Variants in PPP5C observed in about 807,000 individuals in gnomAD.
PPP5C encodes the protein serine/threonine-protein phosphatase 5.
A neutral mutation model predicts 66.7 loss-of-function variants in PPP5C; 21 were observed. That is an observed-to-expected ratio of 0.31 (90% CI 0.22 to 0.45). PPP5C has a LOEUF of 0.45. PPP5C is among the 20% of genes least tolerant of loss of function. The pLI is 1.00. For synonymous variants in PPP5C, 246 were observed against 257.4 expected, an observed-to-expected ratio of 0.96 and a Z score of 0.43; for missense variants, 464 against 675.9, an observed-to-expected ratio of 0.69 and a Z score of 3.48.
chr19:46,353,942 A>C lies in PPP5C; in HGVS notation c.316A>C (p.Asn106His). The stretch of plus-strand genomic sequence containing the variant: ...GGGTTATTACCGCCGGGCTGCCAGC[A>C]ACATGGCACTGGGCAAGTTCCGGGC... ...IKGYYRRAAS[N>H]MALGKFRAAL... is the part of the protein sequence containing the mutation. The change falls in exon 2 of 13, where the codon AAC (asparagine) becomes CAC (histidine). Residue 106 changes from asparagine (N) to histidine (H), a missense_variant. Physicochemically the swap from Asn to His is moderately conservative, Grantham distance 68. Transcript: ENST00000012443. The C allele has an allele frequency of 1.2e-6, 2 of 1,609,200 alleles. No individual in the cohort carries two copies. The highest frequency in any genetic ancestry group is 1.7e-6 in the Non-Finnish European group (2 of 1,178,344).
chr19:46,360,054 C>G (rs1972356740), intron 2 of PPP5C, among the ~76,000 whole-genome samples: 1 of 152,138 alleles, frequency 6.6e-6, no homozygotes, highest in Admixed American at 6.5e-5. Context: ...GCTGGGATTA[C>G]AGGCCTGAGC....
At position 46,390,716 on chromosome 19, in the gene PPP5C, G is replaced by A. The variant is rs112013039; in HGVS notation, c.*370G>A. The A allele has an allele frequency of 1.4e-4, 160 of 1,164,286 alleles. No homozygotes were observed. In the Middle Eastern group the frequency reaches 3.1e-3, roughly 22 times the overall value. The allele number at this position is 1,164,286 out of a possible 1,614,324, so 72.1% of individuals were successfully genotyped here. A position where few individuals can be genotyped will look rare whatever the true frequency, so the allele number is the denominator to read the frequency against. Reference sequence around the variant, plus strand: ...CCCGCCATAGGAAGACCCCCAGAGAGAGGGTCAGCAGGGGGGCCCCGCCTG... The same window carrying A: ...CCCGCCATAGGAAGACCCCCAGAGAAAGGGTCAGCAGGGGGGCCCCGCCTG... On this transcript the variant is annotated 3_prime_UTR_variant, in exon 13 of 13. Coordinates refer to ENST00000012443, the MANE Select transcript of PPP5C (RefSeq NM_006247.4).
intron 4 of PPP5C, chr19:46,381,580 C>T (rs1251569106): frequency 6.6e-6 from 1 of 152,060 alleles, no homozygotes; most frequent in Non-Finnish European, 1.5e-5. Flanking sequence ...AACCCCACCT[C>T]TACAAAAAAA....
rs1385439258 is a variant in PPP5C at position 46,383,818 on chromosome 19, G to T, written c.738G>T (p.Gln246His). Residue 246 changes from glutamine (Q) to histidine (H), a missense_variant, in exon 6 of 13, where the codon CAG becomes CAT. Transcript: ENST00000012443. This position sits in a 1 kb window ranked among gnomAD's most constrained non-coding sequence, Gnocchi z 5.0. ...CAGTATGTGGGGACACCCATGGCCAGTTCTATGACCTCCTCAACATATTCG... is the reference window on the plus strand; with the variant it reads ...CAGTATGTGGGGACACCCATGGCCATTTCTATGACCTCCTCAACATATTCG... Reference protein sequence around the residue: ...KITVCGDTHGQFYDLLNIFEL... With the variant: ...KITVCGDTHGHFYDLLNIFEL... 10 of 1,614,014 alleles carry T rather than the reference G, an allele frequency of 6.2e-6. No homozygotes were observed. The highest frequency in any genetic ancestry group is 8.5e-6 in the Non-Finnish European group (10 of 1,179,968).
intron 11 of PPP5C, among the ~76,000 whole-genome samples, chr19:46,389,716 C>T (rs552160418): frequency 2.0e-5 from 3 of 151,972 alleles, no homozygotes; most frequent in African/African-American, 7.3e-5. Context: ...GTGACATGTT[C>T]CTCTGTTCCC....
chr19:46,358,696 C>T (rs973904259), intron 2 of PPP5C, among the ~76,000 whole-genome samples: 4 of 152,080 alleles, frequency 2.6e-5, no homozygotes, highest in African/African-American at 7.2e-5. Flanking sequence ...TAAGCTCAAG[C>T]GTTTAAAGAC....
chr19:46,357,447 A>T (rs1972306309), intron 2 of PPP5C, among the ~76,000 whole-genome samples: 1 of 152,184 alleles, frequency 6.6e-6, no homozygotes, highest in African/African-American at 2.4e-5. Flanking sequence ...ACCGGCAACC[A>T]AGCAGTCGAT....
intron 2 of PPP5C, among the ~76,000 whole-genome samples, chr19:46,372,834 G>A (rs1972618157): frequency 6.6e-6 from 1 of 152,214 alleles, no homozygotes; most frequent in Admixed American, 6.5e-5. Context: ...AAAGTTCAGT[G>A]TGAAGTTCTG....
chr19:46,359,148 A>AG (rs1972338147), intron 2 of PPP5C, among the ~76,000 whole-genome samples: 1 of 151,890 alleles, frequency 6.6e-6, no homozygotes, highest in Non-Finnish European at 1.5e-5. Flanking sequence ...TATGTTGGGG[A>AG]GGGGGAAGGA....
Position 46,347,154 on chromosome 19 carries a change from C to A in PPP5C, c.58C>A (p.Pro20Thr). ...TGCTGAGCCCCCCCGGGACGAACCC[C>A]CGGCTGATGGAGCTCTGAAGCGGGC... ...ECAEPPRDEP[P>T]ADGALKRAEE... Residue 20 changes from proline (P) to threonine (T), a missense_variant, in exon 1 of 13, where the codon CCG becomes ACG. Physicochemically the swap from Pro to Thr is conservative, Grantham distance 38. Transcript: ENST00000012443. 6.2e-7 allele frequency: 1 copy of A among 1,605,770 alleles called. No individual in the cohort carries two copies.
chr19:46,350,417 A>G (rs1434261896), intron 1 of PPP5C, among the ~76,000 whole-genome samples: 1 of 152,178 alleles, frequency 6.6e-6, no homozygotes, highest in Non-Finnish European at 1.5e-5. Flanking sequence ...TCTGGGCCAC[A>G]GCAGCCATTG....
intron 9 of PPP5C, 56 bp downstream of exon 9, chr19:46,387,509 C>T (rs534456280): frequency 6.2e-7 from 1 of 1,613,668 alleles, no homozygotes; most frequent in Non-Finnish European, 8.5e-7. Context: ...GGGCTGAGCT[C>T]TCCCCTGCAA....
In PPP5C at chr19:46,390,044, C is replaced by T; in HGVS notation, c.1356-7C>T. 1 of 1,613,982 alleles carries T rather than the reference C, an allele frequency of 6.2e-7. No homozygotes were observed. The highest frequency in any genetic ancestry group is 8.5e-7 in the Non-Finnish European group (1 of 1,179,874). ...CCACACTGTCCACTCTGCTCCTGTC[C>T]CTGCAGCGACCAGATGGGGAACAAA... On this transcript the variant is annotated splice_polypyrimidine_tract_variant and splice_region_variant and intron_variant, in intron 11 of 12. Coordinates refer to ENST00000012443, the MANE Select transcript of PPP5C (RefSeq NM_006247.4).
At chr19:46,390,171 G>T (rs377116390) in intron 12 of PPP5C, 39 bp downstream of exon 12, 61 of 1,611,014 alleles carry the variant, frequency 3.8e-5, no homozygotes, top group Middle Eastern at 1.6e-4. Flanking sequence ...TTCCATCCCG[G>T]CCTGGGGACA....
Position 46,383,118 on chromosome 19 carries a change from C to A in PPP5C, c.634-293C>A. ...GTTCTTTTATAAAATGTTCTACGAT[C>A]TGGATTCATGCATGTATTTCCACTT... On this transcript the variant is annotated intron_variant, in intron 4 of 12. Transcript: ENST00000012443. This position sits in a 1 kb window ranked among gnomAD's most constrained non-coding sequence, Gnocchi z 5.0. 1 of 1,306,882 alleles carries A rather than the reference C, an allele frequency of 7.7e-7. No homozygotes were observed. The highest frequency in any genetic ancestry group is 1.0e-6 in the Non-Finnish European group (1 of 1,003,648). The allele number at this position is 1,306,882 out of a possible 1,614,324, so 81.0% of individuals were successfully genotyped here.
At chr19:46,352,752 G>A (rs1339395560) in intron 1 of PPP5C, among the ~76,000 whole-genome samples, 3 of 151,714 alleles carry the variant, frequency 2.0e-5, no homozygotes, top group African/African-American at 4.8e-5. Flanking sequence ...CCTGGGAGGC[G>A]GAGCTTGCAG....
At chr19:46,355,461 G>A (rs547040358) in intron 2 of PPP5C, among the ~76,000 whole-genome samples, 9 of 152,268 alleles carry the variant, frequency 5.9e-5, no homozygotes, top group East Asian at 5.8e-4. Flanking sequence ...GCTGTTGGCC[G>A]CTGGCCTGGG....
Position 46,388,783 on chromosome 19 carries a change from T to C in PPP5C, c.1355+52T>C, listed in dbSNP as rs1193648106. 7 of 1,574,670 alleles carry C rather than the reference T, an allele frequency of 4.4e-6. No homozygotes were observed. Among genetic ancestry groups the C allele is most frequent in the South Asian group, 1.2e-5 (1 of 86,498 alleles). On this transcript the variant is annotated intron_variant, in intron 11 of 12. Coordinates refer to ENST00000012443, the MANE Select transcript of PPP5C (RefSeq NM_006247.4). The surrounding 1 kb of genome is among the most constrained non-coding windows in gnomAD (Gnocchi z 4.9). Reference sequence around the variant, plus strand: ...GCCTCTACCAAGCCACGGGTTTTTGTCTTGGTTTTTGTTTTGCCTTTTTAT... The same window carrying C: ...GCCTCTACCAAGCCACGGGTTTTTGCCTTGGTTTTTGTTTTGCCTTTTTAT...
At chr19:46,370,451 C>T (rs12461394) in intron 2 of PPP5C, among the ~76,000 whole-genome samples, 12,158 of 152,254 alleles carry the variant, frequency 0.08, 798 homozygotes, top group East Asian at 0.19. Context: ...GGCTGTCACA[C>T]GCATGGAGCT....
Sources: allele counts gnomAD v4.1 joint callset (sites outside exome capture counted in the v4.1 genomes callset), GRCh38; gene constraint gnomAD v4.1.1; non-coding constraint Gnocchi (gnomAD v3.1); transcripts MANE v1.5; gene names NCBI Gene and HGNC (gene_info 2026-07-23, HGNC 2026-07-21).